Variants in ATP10B observed in about 807,000 individuals in gnomAD.
ATP10B encodes ATPase phospholipid transporting 10B (putative).
Under a neutral mutation model 141.2 loss-of-function variants are expected in ATP10B, and 122 were observed. The ratio of observed to expected loss-of-function variants is 0.86; its 90% confidence interval spans 0.75 to 1.00. ATP10B has a LOEUF of 1.00. Ranked by LOEUF, ATP10B falls within the 50% of genes least tolerant of loss-of-function variation. ATP10B has a pLI of 0.00. For missense variants in ATP10B, 1,876 were observed against 1,825.3 expected (o/e 1.03, Z -0.51); for synonymous variants, 685 against 692.0 (o/e 0.99, Z 0.16).
At chr5:160,650,696 G>T (rs1760670142) in intron 7 of ATP10B, among the ~76,000 whole-genome samples, 1 of 152,180 alleles carries the variant, frequency 6.6e-6, no homozygotes. Flanking sequence ...TAGATTAAAA[G>T]AAGTTAATCA....
At chr5:160,860,591 T>C in the ATP10B span, among the ~76,000 whole-genome samples, 2 of 151,982 alleles carry the variant, frequency 1.3e-5, no homozygotes, top group African/African-American at 4.8e-5. Flanking sequence ...CTAAACAATG[T>C]TGAAGGGGGC....
chr5:160,926,229 G>A, the ATP10B span, among the ~76,000 whole-genome samples: 25 of 152,172 alleles, frequency 1.6e-4, no homozygotes, highest in Admixed American at 2.0e-4. Context: ...GTTCACTGCT[G>A]ATATTGCTAT....
chr5:160,602,563 C>T lies in ATP10B; in HGVS notation c.3363+14G>A, dbSNP rs775133134. On this transcript the variant is annotated intron_variant, in intron 21 of 25. Transcript: ENST00000327245. ...GCCAAAGCCCTGGGTGAGAGGACGC[C>T]ATAGGCTACTTACCACGTTCTTGTA... The T allele has an allele frequency of 2.2e-5, 36 of 1,613,368 alleles. No individual in the cohort carries two copies. Among genetic ancestry groups the T allele is most frequent in the African/African-American group, 1.3e-5 (1 of 74,932 alleles).
At chr5:160,682,271 G>A (rs887483559) in intron 6 of ATP10B, among the ~76,000 whole-genome samples, 1 of 152,150 alleles carries the variant, frequency 6.6e-6, no homozygotes, top group African/African-American at 2.4e-5. Flanking sequence ...CATTGGAGGA[G>A]GGCCAGCATA....
intron 1 of ATP10B, among the ~76,000 whole-genome samples, chr5:160,788,745 G>A (rs901095343): frequency 1.3e-5 from 2 of 152,062 alleles, no homozygotes; most frequent in African/African-American, 4.8e-5. Context: ...AGCTACAGTG[G>A]GTAAGGCACT....
chr5:160,770,062 T>C (rs913972354), intron 2 of ATP10B, among the ~76,000 whole-genome samples: 6 of 152,120 alleles, frequency 3.9e-5, no homozygotes, highest in African/African-American at 1.4e-4. Flanking sequence ...ATAATAAAAG[T>C]TTATAATCAC....
In ATP10B at chr5:160,602,666, T is replaced by C; in HGVS notation, c.3274A>G (p.Lys1092Glu). 6.2e-7 allele frequency: 1 copy of C among 1,614,034 alleles called. No individual in the cohort carries two copies. The highest frequency in any genetic ancestry group is 1.1e-5 in the South Asian group (1 of 91,088). The change falls in exon 21 of 26, where the codon AAG (lysine) becomes GAG (glutamate). Residue 1092 changes from lysine to glutamate, a missense_variant. Coordinates refer to ENST00000327245, the MANE Select transcript of ATP10B (RefSeq NM_025153.3). ...MSSDFAITRFKHLKKLLLVHG... is the reference protein window; with the variant it reads ...MSSDFAITRFEHLKKLLLVHG... ...ACGAGCAGCAACTTCTTGAGATGCT[T>C]AAAGCGGGTGATGGCAAAGTCGCTG...
At chr5:160,867,804 G>C in the ATP10B span, among the ~76,000 whole-genome samples, 1 of 152,070 alleles carries the variant, frequency 6.6e-6, no homozygotes, top group Non-Finnish European at 1.5e-5. Context: ...TCATTGATTG[G>C]AAACTGTTAT....
intron 2 of ATP10B, among the ~76,000 whole-genome samples, chr5:160,781,515 C>G (rs17058270): frequency 0.16 from 23,996 of 151,988 alleles, 2,208 homozygotes; most frequent in East Asian, 0.27. Context: ...CCTTGCTGCT[C>G]TGGGAAGGAT....
chr5:160,885,564 A>T, the ATP10B span, among the ~76,000 whole-genome samples: 1 of 152,284 alleles, frequency 6.6e-6, no homozygotes, highest in East Asian at 1.9e-4. Context: ...TGCTGATGGA[A>T]AGGAAAGTTA....
intron 2 of ATP10B, among the ~76,000 whole-genome samples, chr5:160,729,973 G>C (rs1766622779): frequency 6.6e-6 from 1 of 152,106 alleles, no homozygotes; most frequent in Admixed American, 6.5e-5. Flanking sequence ...TTGTTTCTTG[G>C]AACCTGGGGT....
At chr5:160,667,982 C>T (rs541529748) in intron 7 of ATP10B, among the ~76,000 whole-genome samples, 34 of 152,272 alleles carry the variant, frequency 2.2e-4, no homozygotes, top group Admixed American at 1.0e-3. Context: ...GTAATCCCCA[C>T]ACTTTGGGAG....
chr5:160,796,658 C>T (rs1347570773), intron 1 of ATP10B, among the ~76,000 whole-genome samples: 1 of 152,190 alleles, frequency 6.6e-6, no homozygotes, highest in East Asian at 1.9e-4. Flanking sequence ...TTCTAATCAG[C>T]AAATTGCAGA....
intron 2 of ATP10B, among the ~76,000 whole-genome samples, chr5:160,742,505 A>G (rs34370355): frequency 0.15 from 23,444 of 152,152 alleles, 2,911 homozygotes; most frequent in African/African-American, 0.35. Flanking sequence ...TGATAAAGAG[A>G]CAATAGCTAT....
intron 1 of ATP10B, among the ~76,000 whole-genome samples, chr5:160,836,065 G>C (rs1244108514): frequency 6.6e-6 from 1 of 152,126 alleles, no homozygotes; most frequent in East Asian, 1.9e-4. Context: ...CATGGACATA[G>C]AGTGGGGAAT....
the ATP10B span, among the ~76,000 whole-genome samples, chr5:160,869,857 C>A: frequency 6.6e-6 from 1 of 152,030 alleles, no homozygotes; most frequent in Non-Finnish European, 1.5e-5. Flanking sequence ...CATGAGGGGC[C>A]AATATTTTTG....
chr5:160,693,994 C>T (rs1764227723), intron 3 of ATP10B, among the ~76,000 whole-genome samples: 1 of 152,164 alleles, frequency 6.6e-6, no homozygotes, highest in Non-Finnish European at 1.5e-5. Context: ...GCTGGAGAGA[C>T]AGCCCAGGGT....
At chr5:160,788,319 T>G (rs1771318464) in intron 1 of ATP10B, among the ~76,000 whole-genome samples, 1 of 152,196 alleles carries the variant, frequency 6.6e-6, no homozygotes, top group African/African-American at 2.4e-5. Flanking sequence ...CAGGCCTTTG[T>G]GAAGGTCCCA....
At chr5:160,870,739 C>CAAA in the ATP10B span, among the ~76,000 whole-genome samples, 789 of 148,408 alleles carry the variant, frequency 5.3e-3, 10 homozygotes, top group Non-Finnish European at 8.6e-3. Flanking sequence ...GGAGAAATGC[C>CAAA]AAAAAAAAAC....
Sources: allele counts gnomAD v4.1 joint callset (sites outside exome capture counted in the v4.1 genomes callset), GRCh38; gene constraint gnomAD v4.1.1; transcripts MANE v1.5; gene names NCBI Gene and HGNC (gene_info 2026-07-23, HGNC 2026-07-21).